PIEZO1: variants seen among roughly 807,000 people sequenced by gnomAD.
PIEZO1 encodes piezo type mechanosensitive ion channel component 1 (Er blood group), also known as piezo-type mechanosensitive ion channel component 1.
Under a neutral mutation model 297.2 loss-of-function variants are expected in PIEZO1, and 296 were observed. That is an observed-to-expected ratio of 1.00 (90% CI 0.91 to 1.10). PIEZO1 has a LOEUF of 1.10. Among genes scored for constraint, PIEZO1 ranks in the 50% least tolerant of loss-of-function variants. PIEZO1 has a pLI of 0.00. For synonymous variants in PIEZO1, 2,427 were observed against 1,507.5 expected (o/e 1.61, Z -14.13); for missense variants, 5,018 against 3,455.5 (o/e 1.45, Z -11.34).
At position 88,761,054 on chromosome 16, in the gene PIEZO1, G is replaced by A. The variant is rs550137623; in HGVS notation, c.65-11575C>T. Among the ~76,000 whole-genome samples, 335 of 152,350 alleles carry A rather than the reference G, an allele frequency of 2.2e-3. 2 individuals carry two copies. The highest frequency in any genetic ancestry group is 3.9e-3 in the Non-Finnish European group (266 of 68,020). On this transcript the variant is annotated intron_variant, in intron 1 of 50. Coordinates refer to ENST00000301015, the MANE Select transcript of PIEZO1 (RefSeq NM_001142864.4). Reference sequence around the variant, plus strand: ...ACACCCTCCCGGACACACTCAGCCCGCAGCCCCTGGAGGGGTTTGCAGGGC... The same window carrying A: ...ACACCCTCCCGGACACACTCAGCCCACAGCCCCTGGAGGGGTTTGCAGGGC...
chr16:88,755,592 A>C (rs917363437), intron 1 of PIEZO1, among the ~76,000 whole-genome samples: 1 of 152,206 alleles, frequency 6.6e-6, no homozygotes, highest in African/African-American at 2.4e-5. Flanking sequence ...CTGCCAGTAA[A>C]TAGGCGGGTA....
chr16:88,719,854 C>T lies in PIEZO1; in HGVS notation c.6271G>A (p.Gly2091Ser), dbSNP rs1321772426. Residue 2091 changes from glycine (G) to serine (S), a missense_variant, in exon 43 of 51, where the codon GGC becomes AGC. Gly to Ser is a moderately conservative substitution (Grantham distance 56). Transcript: ENST00000301015. Reference sequence around the variant, plus strand: ...TTGTACTTCTTGGTGAGGAAGTTGCCGAGGATGCGGGTGGGGTAGCCGCAG... The same window carrying T: ...TTGTACTTCTTGGTGAGGAAGTTGCTGAGGATGCGGGTGGGGTAGCCGCAG... Reference protein sequence around the residue: ...IRCGYPTRILGNFLTKKYNHL... With the variant: ...IRCGYPTRILSNFLTKKYNHL... 6.4e-6 allele frequency: 10 copies of T among 1,550,402 alleles called. No individual in the cohort carries two copies. The highest frequency in any genetic ancestry group is 2.4e-5 in the East Asian group (1 of 40,928).
intron 2 of PIEZO1, among the ~76,000 whole-genome samples, chr16:88,749,042 C>T (rs923680445): frequency 6.0e-5 from 9 of 151,036 alleles, no homozygotes; most frequent in Non-Finnish European, 1.0e-4. Context: ...TCGAGACCAT[C>T]CTGGCTATCA....
rs1017340209 is a variant in PIEZO1, at chr16:88,736,718, G to A, written c.1217C>T (p.Pro406Leu). The change falls in exon 11 of 51, where the codon CCC becomes CTC. Residue 406 changes from proline (P) to leucine (L), a missense_variant. Transcript: ENST00000301015. ...GCTGTGGAGCGGAGACGCCTCCCTG[G>A]GCTCAGCCCGCTTGGGCCGCACTGC... ...RRPVRPKRAE[P>L]REASPLHSLG... The A allele has an allele frequency of 6.5e-7, 1 of 1,531,454 alleles. No homozygotes were observed. The highest frequency in any genetic ancestry group is 1.4e-5 in the African/African-American group (1 of 72,960). The allele number at this position is 1,531,454 out of a possible 1,614,324, so 94.9% of individuals were successfully genotyped here.
chr16:88,721,815 A>G lies in PIEZO1; in HGVS notation c.5207T>C (p.Phe1736Ser), dbSNP rs1052224361. ...CCCGCGGCCTCGGCCCACCTCGGTG[A>G]AGACGATGGCCGTCATCCAGAAGCG... ...SKRFWMTAIV[F>S]TEIAVVVKYL... Residue 1736 changes from phenylalanine (F) to serine (S), a missense_variant, in exon 37 of 51, where the codon TTC (phenylalanine) becomes TCC (serine). Coordinates refer to ENST00000301015, the MANE Select transcript of PIEZO1 (RefSeq NM_001142864.4). The G allele has an allele frequency of 2.7e-5, 41 of 1,545,076 alleles. No homozygotes were observed. Among genetic ancestry groups the G allele is most frequent in the Non-Finnish European group, 3.5e-5 (40 of 1,145,662 alleles).
intron 1 of PIEZO1, among the ~76,000 whole-genome samples, chr16:88,775,335 C>T (rs1907608783): frequency 6.6e-6 from 1 of 152,188 alleles, no homozygotes; most frequent in East Asian, 1.9e-4. Flanking sequence ...ATGCCATGGC[C>T]ACCCACACAG....
At chr16:88,724,950 G>A (rs1284670569) in intron 30 of PIEZO1, 59 bp downstream of exon 30, 32 of 1,098,648 alleles carry the variant, frequency 2.9e-5, no homozygotes, top group Middle Eastern at 5.8e-4. Flanking sequence ...CCAGGCAGAG[G>A]ACAGATGGGG....
intron 2 of PIEZO1, 44 bp from the exon 3 acceptor site, chr16:88,742,466 G>A (rs1207703137): frequency 8.5e-6 from 13 of 1,526,704 alleles, no homozygotes; most frequent in Middle Eastern, 2.2e-4. Context: ...GGGACGGGGA[G>A]GGGCCGCAGC....
intron 1 of PIEZO1, 56 bp downstream of exon 1, chr16:88,784,844 TG>T: frequency 8.0e-7 from 1 of 1,253,250 alleles, no homozygotes; most frequent in Non-Finnish European, 1.1e-6. Flanking sequence ...GTCCAGGCCG[TG>T]GGGAGCCGAG....
At chr16:88,731,008 C>T (rs1904765464) in intron 22 of PIEZO1, among the ~76,000 whole-genome samples, 1 of 152,222 alleles carries the variant, frequency 6.6e-6, no homozygotes, top group Non-Finnish European at 1.5e-5. Context: ...CGGCCACGTG[C>T]ACAAATGTGA....
At chr16:88,741,156 G>A (rs1040591510) in intron 5 of PIEZO1, 5 of 216,806 alleles carry the variant, frequency 2.3e-5, no homozygotes, top group Non-Finnish European at 4.6e-5. Context: ...TCTCCAGCCA[G>A]ACCCACTGCC....
chr16:88,746,810 G>C (rs1286165674), intron 2 of PIEZO1, among the ~76,000 whole-genome samples: 2 of 152,224 alleles, frequency 1.3e-5, no homozygotes, highest in African/African-American at 4.8e-5. Context: ...CTGATTAAAG[G>C]AAAGTGTTTC....
chr16:88,715,702 G>A lies in PIEZO1; in HGVS notation c.7469C>T (p.Thr2490Ile), dbSNP rs780275226. Residue 2490 changes from threonine to isoleucine, a missense_variant, in exon 51 of 51, where the codon ACT becomes ATT. Thr to Ile is a moderately conservative substitution (Grantham distance 89). Coordinates refer to ENST00000301015, the MANE Select transcript of PIEZO1 (RefSeq NM_001142864.4). ...CTCCTCCTCCAGCTCCAGCTCCCGA[G>A]TCTCCCGCACCAGGAAGATGTCCTG... is the stretch of plus-strand genomic sequence containing the variant. ...LCQDIFLVRE[T>I]RELELEEELY... 2.1e-5 allele frequency: 32 copies of A among 1,549,848 alleles called. No homozygotes were observed. The highest frequency in any genetic ancestry group is 2.7e-5 in the Non-Finnish European group (31 of 1,146,528).
rs900110520 is a variant in PIEZO1, at chr16:88,737,720, C to A, written c.1107+8G>T. 1.3e-6 allele frequency: 2 copies of A among 1,535,254 alleles called. No homozygotes were observed. ...CACGCTGGCGTCTCCACCTGCCTGG[C>A]TGCTCACCTGGTCAGACTCCCGTTC... is the stretch of plus-strand genomic sequence containing the variant. On this transcript the variant is annotated splice_region_variant and intron_variant, in intron 9 of 50. Transcript: ENST00000301015.
intron 2 of PIEZO1, chr16:88,744,283 C>G (rs759357388): frequency 6.5e-6 from 1 of 152,738 alleles, no homozygotes; most frequent in South Asian, 2.1e-4. Context: ...GTTGAAGTAA[C>G]CTCGCCAGCG....
rs187832410 is a variant in PIEZO1, at chr16:88,735,000, C to T, written c.1723G>A (p.Val575Met). ...ACATAGATCCAGTACTTGGCGTACA[C>T]GCCCTTCACCAGCTCCCCCAGGCTC... Reference protein sequence around the residue: ...LQSLGELVKGVYAKYWIYVCA... With the variant: ...LQSLGELVKGMYAKYWIYVCA... The change falls in exon 14 of 51, where the codon GTG becomes ATG. Residue 575 changes from valine to methionine, a missense_variant. Physicochemically the swap from Val to Met is conservative, Grantham distance 21. Coordinates refer to ENST00000301015, the MANE Select transcript of PIEZO1 (RefSeq NM_001142864.4). The T allele has an allele frequency of 9.8e-4, 1,524 of 1,550,516 alleles. 21 individuals are homozygous for T. The African/African-American group carries it at 0.018, about 19-fold the overall frequency.
chr16:88,748,260 A>C (rs1003155025), intron 2 of PIEZO1, among the ~76,000 whole-genome samples: 1 of 152,252 alleles, frequency 6.6e-6, no homozygotes, highest in African/African-American at 2.4e-5. Context: ...CAGGTCTCTG[A>C]GTGTTTGCTC....
intron 1 of PIEZO1, among the ~76,000 whole-genome samples, chr16:88,749,990 T>C (rs1906302111): frequency 6.6e-6 from 1 of 151,434 alleles, no homozygotes; most frequent in Admixed American, 6.6e-5. Flanking sequence ...ACCACTGCAC[T>C]CCAGCCTGGG....
chr16:88,733,232 G>T, intron 19 of PIEZO1, 46 bp downstream of exon 19: 1 of 1,509,746 alleles, frequency 6.6e-7, no homozygotes, highest in Non-Finnish European at 9.0e-7. Flanking sequence ...TGCGAATACA[G>T]AGTTGCCTGG....
Sources: allele counts gnomAD v4.1 joint callset (sites outside exome capture counted in the v4.1 genomes callset), GRCh38; gene constraint gnomAD v4.1.1; transcripts MANE v1.5; gene names NCBI Gene and HGNC (gene_info 2026-07-23, HGNC 2026-07-21).